Variants in GRID1 observed in about 807,000 individuals in gnomAD.
GRID1 encodes glutamate receptor ionotropic, delta-1.
In GRID1, 28 loss-of-function variants were observed where a neutral mutation model predicts 98.0. That is an observed-to-expected ratio of 0.29 (90% CI 0.21 to 0.39). The LOEUF is 0.39. GRID1 is among the 10% of genes least tolerant of loss of function. GRID1 has a pLI of 1.00. For missense variants in GRID1, 1,111 were observed against 1,340.5 expected (o/e 0.83, Z 2.67); for synonymous variants, 553 against 538.5 (o/e 1.03, Z -0.37).
chr10:85,895,988 C>A (rs1454075974), intron 5 of GRID1, among the ~76,000 whole-genome samples: 1 of 150,052 alleles, frequency 6.7e-6, no homozygotes, highest in African/African-American at 2.5e-5. Context: ...AGAGTGCCTG[C>A]CCCTCACTGC....
At chr10:85,692,664 TAAA>T (rs59335128) in intron 12 of GRID1, among the ~76,000 whole-genome samples, 3 of 136,224 alleles carry the variant, frequency 2.2e-5, no homozygotes, top group African/African-American at 5.5e-5. Context: ...GAGACCCTGT[TAAA>T]AAAAAAAAAA....
At chr10:86,032,272 C>T (rs564232439) in intron 4 of GRID1, among the ~76,000 whole-genome samples, 2 of 152,204 alleles carry the variant, frequency 1.3e-5, no homozygotes, top group South Asian at 4.1e-4. Flanking sequence ...CCCGGCCACC[C>T]CGTCTGGGAG....
intron 8 of GRID1, among the ~76,000 whole-genome samples, chr10:85,838,021 C>T (rs1047430427): frequency 6.6e-5 from 10 of 152,104 alleles, no homozygotes; most frequent in African/African-American, 2.4e-4. Flanking sequence ...AATGCAATCA[C>T]AAGTATTAAT....
intron 12 of GRID1, among the ~76,000 whole-genome samples, chr10:85,690,859 T>C (rs949074435): frequency 6.8e-6 from 1 of 148,020 alleles, no homozygotes. Flanking sequence ...TTTCAAATAT[T>C]ATCAGCAGTG....
At chr10:85,751,127 G>C (rs1842041835) in intron 8 of GRID1, among the ~76,000 whole-genome samples, 1 of 152,170 alleles carries the variant, frequency 6.6e-6, no homozygotes, top group Non-Finnish European at 1.5e-5. Flanking sequence ...TGCAATCTCA[G>C]GAGAGAAGAG....
rs73336506 is a variant in GRID1 at position 85,847,854 on chromosome 10, T to C, written c.1233+6642A>G. ...AATAATCTAATTATTTGACCACATATATTTTTTAATGTCTGTATGTGAAAA... is the reference window on the plus strand; with the variant it reads ...AATAATCTAATTATTTGACCACATACATTTTTTAATGTCTGTATGTGAAAA... On this transcript the variant is annotated intron_variant, in intron 8 of 15. Transcript: ENST00000327946. Among the ~76,000 whole-genome samples, 868 of 152,318 alleles carry C rather than the reference T, an allele frequency of 5.7e-3. 8 individuals are homozygous for C. Among genetic ancestry groups the C allele is most frequent in the African/African-American group, 0.02 (815 of 41,570 alleles).
chr10:85,892,832 G>A (rs747798948), intron 5 of GRID1, among the ~76,000 whole-genome samples: 6 of 152,006 alleles, frequency 3.9e-5, no homozygotes, highest in Non-Finnish European at 5.9e-5. Context: ...AATTGAAGAG[G>A]AGGAAACATA....
intron 4 of GRID1, among the ~76,000 whole-genome samples, chr10:85,988,619 T>C (rs1310381493): frequency 6.6e-6 from 1 of 152,124 alleles, no homozygotes; most frequent in East Asian, 1.9e-4. Flanking sequence ...GATGAACAGC[T>C]CAAGCACTAA....
intron 2 of GRID1, among the ~76,000 whole-genome samples, chr10:86,327,598 CTT>C (rs1480128653): frequency 6.6e-6 from 1 of 152,136 alleles, no homozygotes; most frequent in Non-Finnish European, 1.5e-5. Flanking sequence ...GCAGTGAACT[CTT>C]AGGATAAATA....
chr10:85,699,648 G>T (rs1841430645), intron 12 of GRID1, among the ~76,000 whole-genome samples: 1 of 152,282 alleles, frequency 6.6e-6, no homozygotes, highest in Middle Eastern at 3.4e-3. Flanking sequence ...GAGGCTTATA[G>T]TAAATTTTCT....
chr10:85,824,254 G>A (rs1322066068), intron 8 of GRID1, among the ~76,000 whole-genome samples: 2 of 152,122 alleles, frequency 1.3e-5, no homozygotes, highest in Non-Finnish European at 2.9e-5. Flanking sequence ...GATCCGGCGA[G>A]AGACTGGAGT....
intron 2 of GRID1, among the ~76,000 whole-genome samples, chr10:86,259,685 C>T (rs139762870): frequency 1.3e-5 from 2 of 152,280 alleles, no homozygotes; most frequent in African/African-American, 4.8e-5. Context: ...TGTGCACGCA[C>T]ATGCGTGTGC....
rs80108137 is a variant in GRID1, at chr10:85,600,458, C to T, written c.*1815G>A. On this transcript the variant is annotated 3_prime_UTR_variant, in exon 16 of 16. Coordinates refer to ENST00000327946, the MANE Select transcript of GRID1 (RefSeq NM_017551.3). ...CTTTAGGAAAGAAATCAATCCTGGG[C>T]TAGTTATCACCCTCATAAATACATC... 596 of 152,320 alleles carry T rather than the reference C, an allele frequency of 3.9e-3. 6 individuals carry two copies. The highest frequency in any genetic ancestry group is 0.014 in the African/African-American group (569 of 41,572). The allele number at this position is 152,320 out of a possible 1,614,324, so 9.4% of individuals were successfully genotyped here. A position where few individuals can be genotyped will look rare whatever the true frequency, so the allele number is the denominator to read the frequency against.
intron 4 of GRID1, among the ~76,000 whole-genome samples, chr10:86,080,950 C>A (rs993647487): frequency 5.3e-5 from 8 of 151,998 alleles, no homozygotes; most frequent in African/African-American, 1.9e-4. Context: ...TGAGTGCAAG[C>A]AAAACATGGC....
intron 4 of GRID1, among the ~76,000 whole-genome samples, chr10:85,953,732 T>C (rs914440373): frequency 1.3e-5 from 2 of 152,254 alleles, no homozygotes; most frequent in African/African-American, 2.4e-5. Flanking sequence ...TAGTCTCTGA[T>C]GTGCATGAAG....
intron 4 of GRID1, among the ~76,000 whole-genome samples, chr10:85,946,326 A>T (rs1842052905): frequency 6.6e-6 from 1 of 152,252 alleles, no homozygotes; most frequent in African/African-American, 2.4e-5. Flanking sequence ...CTGAGAAGAC[A>T]AGCAGCCAGG....
Position 85,756,196 on chromosome 10 carries a change from TATC to T in GRID1, c.1234-26585_1234-26583del, listed in dbSNP as rs370200345. ...CCCCTTTTCATCTTAACTAAGCACTTATCATGCACTGTGGCCGTAAATTTGCAG... is the reference window on the plus strand; with the variant it reads ...CCCCTTTTCATCTTAACTAAGCACTTATGCACTGTGGCCGTAAATTTGCAG... On this transcript the variant is annotated intron_variant, in intron 8 of 15. Transcript: ENST00000327946. Among the ~76,000 whole-genome samples, 36 of 152,310 alleles carry T rather than the reference TATC, an allele frequency of 2.4e-4. 1 individual carries two copies. In the South Asian group the frequency reaches 7.2e-3, roughly 31 times the overall value.
At chr10:86,045,637 G>C (rs184535026) in intron 4 of GRID1, among the ~76,000 whole-genome samples, 2 of 152,040 alleles carry the variant, frequency 1.3e-5, no homozygotes, top group Admixed American at 1.3e-4. Flanking sequence ...AGAGTGGGGA[G>C]AGAGAGTGAG....
At chr10:86,065,064 G>A (rs764939451) in intron 4 of GRID1, among the ~76,000 whole-genome samples, 13 of 152,202 alleles carry the variant, frequency 8.5e-5, no homozygotes, top group Non-Finnish European at 1.8e-4. Flanking sequence ...TGCACGGGGT[G>A]CATGCTTCCC....
Sources: gnomAD v4.1 joint callset for allele counts (sites outside exome capture counted in the v4.1 genomes callset) on GRCh38, gnomAD v4.1.1 for gene constraint, MANE v1.5 for transcripts, NCBI Gene and HGNC (gene_info 2026-07-23, HGNC 2026-07-21) for gene names.